Variants in PHF20 observed in about 807,000 individuals in gnomAD.
PHF20 encodes the protein PHD finger protein 20.
A neutral mutation model predicts 113.5 loss-of-function variants in PHF20; 23 were observed. That is an observed-to-expected ratio of 0.20 (90% CI 0.15 to 0.29). The LOEUF (loss-of-function observed/expected upper bound fraction) is 0.29, where lower values mean the gene tolerates loss of function less well. PHF20 is among the 10% of genes least tolerant of loss of function. The pLI is 1.00. For missense variants in PHF20, 943 were observed against 1,219.6 expected (o/e 0.77, Z 3.38); for synonymous variants, 434 against 457.3 (o/e 0.95, Z 0.65).
intron 1 of PHF20, among the ~76,000 whole-genome samples, chr20:35,774,319 C>T (rs188195048): frequency 1.2e-4 from 18 of 152,244 alleles, no homozygotes; most frequent in African/African-American, 3.8e-4. Flanking sequence ...GATCCACCCG[C>T]CTCCGCCTCC....
intron 9 of PHF20, chr20:35,878,552 G>C (rs2147006691): frequency 1.4e-6 from 1 of 721,716 alleles, no homozygotes; most frequent in Non-Finnish European, 2.5e-6. Context: ...ATTCGTACTT[G>C]TTGGAATAGA....
intron 4 of PHF20, among the ~76,000 whole-genome samples, chr20:35,857,137 GA>G (rs1365881420): frequency 1.3e-5 from 2 of 152,144 alleles, no homozygotes; most frequent in East Asian, 3.8e-4. Flanking sequence ...TTTACTAGTG[GA>G]AACCATTACG....
intron 2 of PHF20, among the ~76,000 whole-genome samples, chr20:35,817,143 C>CT (rs911780703): frequency 8.1e-5 from 12 of 147,336 alleles, no homozygotes; most frequent in African/African-American, 1.2e-4. Context: ...ACAGTTCTTT[C>CT]TTTTTTTTTT....
chr20:35,805,461 C>T (rs2041864370), intron 2 of PHF20, among the ~76,000 whole-genome samples: 1 of 151,180 alleles, frequency 6.6e-6, no homozygotes, highest in South Asian at 2.1e-4. Context: ...CGGCTCACTG[C>T]AAGCTCCGCC....
At chr20:35,918,790 G>A (rs1314881945) in intron 13 of PHF20, among the ~76,000 whole-genome samples, 4 of 152,124 alleles carry the variant, frequency 2.6e-5, no homozygotes, top group South Asian at 2.1e-4. Context: ...ACAGATTATC[G>A]ACAGGGGCAA....
intron 2 of PHF20, among the ~76,000 whole-genome samples, chr20:35,822,364 G>A (rs1272496554): frequency 6.6e-6 from 1 of 151,682 alleles, no homozygotes; most frequent in Non-Finnish European, 1.5e-5. Flanking sequence ...GCTGCAGTGA[G>A]CTATGATTGT....
chr20:35,851,355 G>A (rs903810429), intron 4 of PHF20, among the ~76,000 whole-genome samples: 24 of 152,124 alleles, frequency 1.6e-4, no homozygotes, highest in Admixed American at 8.5e-4. Context: ...TTTATAACAG[G>A]AGATGCTATG....
chr20:35,932,840 A>G (rs910147183), intron 15 of PHF20, among the ~76,000 whole-genome samples: 2 of 152,124 alleles, frequency 1.3e-5, no homozygotes. Context: ...CTTTACCAAC[A>G]GCTCTCCATT....
At chr20:35,861,362 A>G (rs2054215623) in intron 5 of PHF20, among the ~76,000 whole-genome samples, 1 of 152,156 alleles carries the variant, frequency 6.6e-6, no homozygotes, top group Non-Finnish European at 1.5e-5. Flanking sequence ...AATTTGATGT[A>G]TACATCTTTC....
intron 9 of PHF20, among the ~76,000 whole-genome samples, chr20:35,886,377 C>T (rs1012976073): frequency 4.6e-5 from 7 of 152,096 alleles, no homozygotes; most frequent in South Asian, 2.1e-4. Flanking sequence ...CCGCCTGCCT[C>T]ACCCTCCCAA....
chr20:35,824,907 A>G (rs1445169150), intron 2 of PHF20, among the ~76,000 whole-genome samples: 1 of 152,170 alleles, frequency 6.6e-6, no homozygotes, highest in South Asian at 2.1e-4. Context: ...AGGTTCATCT[A>G]TGTTGTACGT....
Position 35,948,186 on chromosome 20 carries a change from C to T in PHF20, c.*559C>T, listed in dbSNP as rs760922978. 1.2e-4 allele frequency: 19 copies of T among 153,868 alleles called. No homozygotes were observed. The highest frequency in any genetic ancestry group is 2.0e-4 in the Non-Finnish European group (14 of 68,886). 9.5% of individuals were successfully genotyped at this position (153,868 alleles called of 1,614,324 possible). A position where few individuals can be genotyped will look rare whatever the true frequency, so the allele number is the denominator to read the frequency against. ...TCCTTAGGACTCTTCACTTTTCTCA[C>T]CACATCTCTTGCATGACTTCATGGT... On this transcript the variant is annotated 3_prime_UTR_variant, in exon 18 of 18. Transcript: ENST00000374012.
rs77726194 is a variant in PHF20 at position 35,846,752 on chromosome 20, T to C, written c.256-598T>C. Among the ~76,000 whole-genome samples, 69 of 152,350 alleles carry C rather than the reference T, an allele frequency of 4.5e-4. 1 individual carries two copies. In the Middle Eastern group the frequency reaches 0.017, roughly 38 times the overall value. ...ACCTCTTGGGCTTATTGAGGTCTTGTGTCCCAGCCCTTTTGTTTTGACTCC... is the reference window on the plus strand; with the variant it reads ...ACCTCTTGGGCTTATTGAGGTCTTGCGTCCCAGCCCTTTTGTTTTGACTCC... On this transcript the variant is annotated intron_variant, in intron 3 of 17. Transcript: ENST00000374012.
At chr20:35,889,009 CTTTTTTTTTTTTTTTT>C (rs566960589) in intron 9 of PHF20, among the ~76,000 whole-genome samples, 1 of 99,216 alleles carries the variant, frequency 1.0e-5, no homozygotes, top group Non-Finnish European at 2.1e-5. Flanking sequence ...CTCTTAGTTT[CTTTTTTTTTTTTTTTT>C]TTTTTTTTTG....
chr20:35,791,461 C>G (rs2041547711), intron 1 of PHF20, among the ~76,000 whole-genome samples: 1 of 132,928 alleles, frequency 7.5e-6, no homozygotes, highest in African/African-American at 3.1e-5. Flanking sequence ...ATCTATCTAT[C>G]TATCTATCTA....
At chr20:35,874,889 TC>T (rs2054490107) in intron 9 of PHF20, among the ~76,000 whole-genome samples, 1 of 151,902 alleles carries the variant, frequency 6.6e-6, no homozygotes, top group Admixed American at 6.6e-5. Flanking sequence ...AGTTCAAGAC[TC>T]GCTATATTGA....
intron 2 of PHF20, among the ~76,000 whole-genome samples, chr20:35,841,529 T>C (rs2042535211): frequency 6.6e-6 from 1 of 152,032 alleles, no homozygotes; most frequent in Non-Finnish European, 1.5e-5. Flanking sequence ...GCTAGCACTT[T>C]GGGAGGCTGA....
chr20:35,857,393 AAACT>A (rs1393516426), intron 4 of PHF20, among the ~76,000 whole-genome samples: 4 of 152,042 alleles, frequency 2.6e-5, no homozygotes, highest in Non-Finnish European at 5.9e-5. Flanking sequence ...TAATGGGAAA[AAACT>A]AACAGTGTAG....
At chr20:35,932,691 A>G (rs549880688) in intron 15 of PHF20, among the ~76,000 whole-genome samples, 1 of 152,258 alleles carries the variant, frequency 6.6e-6, no homozygotes, top group South Asian at 2.1e-4. Context: ...TCGGCCTCCG[A>G]AATTTCTGGG....
Sources: gnomAD v4.1 joint callset for allele counts (sites outside exome capture counted in the v4.1 genomes callset) on GRCh38, gnomAD v4.1.1 for gene constraint, MANE v1.5 for transcripts, NCBI Gene and HGNC (gene_info 2026-07-23, HGNC 2026-07-21) for gene names.